LARGE1: variants seen among roughly 807,000 people sequenced by gnomAD.
LARGE1 encodes the protein LARGE xylosyl- and glucuronyltransferase 1.
Under a neutral mutation model 87.6 loss-of-function variants are expected in LARGE1, and 43 were observed. The ratio of observed to expected loss-of-function variants is 0.49; its 90% CI spans 0.38 to 0.63. LARGE1 has a LOEUF of 0.63. Among genes scored for constraint, LARGE1 ranks in the 30% least tolerant of loss-of-function variants. LARGE1 has a pLI of 0.00. For missense variants in LARGE1, 802 were observed against 1,000.2 expected (o/e 0.80, Z 2.67); for synonymous variants, 434 against 394.6 (o/e 1.10, Z -1.18).
intron 6 of LARGE1, among the ~76,000 whole-genome samples, chr22:33,515,336 T>A (rs987269639): frequency 6.6e-6 from 1 of 152,098 alleles, no homozygotes; most frequent in Non-Finnish European, 1.5e-5. Flanking sequence ...CACAGAGACC[T>A]AGAAAGAGAG....
At chr22:33,093,818 CTTTCTTTTTT>C in the LARGE1 span, among the ~76,000 whole-genome samples, 1 of 120,582 alleles carries the variant, frequency 8.3e-6, no homozygotes, top group African/African-American at 3.1e-5. Context: ...TTTTTTCTTT[CTTTCTTTTTT>C]TTTTTTTTTT....
chr22:33,827,319 G>A (rs986465139), intron 1 of LARGE1, among the ~76,000 whole-genome samples: 16 of 152,098 alleles, frequency 1.1e-4, no homozygotes, highest in Admixed American at 3.3e-4. Context: ...GCAGTGAGCC[G>A]AGATCGCACT....
intron 1 of LARGE1, among the ~76,000 whole-genome samples, chr22:33,787,034 A>AG (rs1208966276): frequency 1.3e-5 from 2 of 151,898 alleles, no homozygotes; most frequent in African/African-American, 4.8e-5. Flanking sequence ...AAAAAAAAAA[A>AG]AAAGAAAGAA....
chr22:33,594,280 C>T (rs748426840), intron 5 of LARGE1, among the ~76,000 whole-genome samples: 1 of 152,110 alleles, frequency 6.6e-6, no homozygotes, highest in Non-Finnish European at 1.5e-5. Flanking sequence ...CACCCTGGGC[C>T]TTGCAGTATC....
At chr22:33,677,812 T>TCTTG in intron 2 of LARGE1, among the ~76,000 whole-genome samples, 1 of 152,162 alleles carries the variant, frequency 6.6e-6, no homozygotes, top group Non-Finnish European at 1.5e-5. Flanking sequence ...GAGACCCGAT[T>TCTTG]AGTCACATGG....
At chr22:33,660,090 G>T (rs1386614849) in intron 2 of LARGE1, among the ~76,000 whole-genome samples, 20 of 125,424 alleles carry the variant, frequency 1.6e-4, no homozygotes, top group East Asian at 7.3e-4. Flanking sequence ...GTGTGTGTGT[G>T]TTTTTTTTTT....
Position 33,524,289 on chromosome 22 carries a change from C to CAA in LARGE1, c.787+40557_787+40558dup, listed in dbSNP as rs57046363. On this transcript the variant is annotated intron_variant, in intron 6 of 14. Transcript: ENST00000397394. ...CTGGGCAACAGAGTGAGACTCCCCT[C>CAA]AAAAAAAAAAAAATAATAATAATAA... 2.8e-3 allele frequency among the ~76,000 whole-genome samples: 270 copies of CAA among 94,774 alleles called. 3 individuals are homozygous for CAA. The highest frequency in any genetic ancestry group is 8.0e-3 in the African/African-American group (262 of 32,836). The allele number at this position is 94,774 out of a possible 152,430, so 62.2% of individuals were successfully genotyped here. A position where few individuals can be genotyped will look rare whatever the true frequency, so the allele number is the denominator to read the frequency against.
rs138595293 is a variant in LARGE1, at chr22:33,842,909, CAAACAAAACAAAACA to C, written c.-83+77071_-83+77085del. 6.5e-3 allele frequency among the ~76,000 whole-genome samples: 953 copies of C among 146,572 alleles called. 12 individuals are homozygous for C. The highest frequency in any genetic ancestry group is 0.021 in the African/African-American group (812 of 38,638). ...CTCACTCACATTTCCCATTCTAGCA[CAAACAAAACAAAACA>C]AAACAAAACAAAACAAAACAAAACA... On this transcript the variant is annotated intron_variant, in intron 1 of 14. Transcript: ENST00000397394.
At chr22:33,577,919 A>G (rs7290435) in intron 5 of LARGE1, among the ~76,000 whole-genome samples, 29,729 of 152,228 alleles carry the variant, frequency 0.2, 2,957 homozygotes, top group Middle Eastern at 0.3. Context: ...TGGCAGTCCA[A>G]ATGTCTTCTG....
At chr22:33,285,745 G>T (rs1339774441) in intron 12 of LARGE1, among the ~76,000 whole-genome samples, 2 of 152,228 alleles carry the variant, frequency 1.3e-5, no homozygotes, top group Non-Finnish European at 2.9e-5. Flanking sequence ...GTGCAAAGAG[G>T]AATCATACCA....
intron 12 of LARGE1, among the ~76,000 whole-genome samples, chr22:33,300,754 A>C (rs548098705): frequency 3.5e-4 from 53 of 152,204 alleles, no homozygotes; most frequent in African/African-American, 1.3e-3. Flanking sequence ...GTTGGCCAGG[A>C]TGGTCTCGAT....
At chr22:33,109,278 T>G in the LARGE1 span, 1 of 151,902 alleles carries the variant, frequency 6.6e-6, no homozygotes, top group South Asian at 2.1e-4. Context: ...ACTTTTGACA[T>G]GCTTAACTCT....
intron 12 of LARGE1, among the ~76,000 whole-genome samples, chr22:33,289,084 A>G (rs536877650): frequency 1.9e-3 from 286 of 151,852 alleles, no homozygotes; most frequent in African/African-American, 5.7e-3. Flanking sequence ...TCAGCCTCCC[A>G]AGTAGCTGGG....
rs56832457 is a variant in LARGE1, at chr22:33,762,213, C to CAAAAAAAA, written c.-82-663_-82-656dup. 5.0e-4 allele frequency among the ~76,000 whole-genome samples: 42 copies of CAAAAAAAA among 84,478 alleles called. 2 individuals are homozygous for CAAAAAAAA. The highest frequency in any genetic ancestry group is 1.6e-3 in the East Asian group (4 of 2,546). The allele number at this position is 84,478 out of a possible 152,430, so 55.4% of individuals were successfully genotyped here. A position where few individuals can be genotyped will look rare whatever the true frequency, so the allele number is the denominator to read the frequency against. The stretch of plus-strand genomic sequence containing the variant: ...AGGGAGACAGAGCGAGATTCTATCT[C>CAAAAAAAA]AAAAAAAAAAAAAAAAAAAAAAAAA... On this transcript the variant is annotated intron_variant, in intron 1 of 14. Transcript: ENST00000397394.
At chr22:33,667,133 G>A (rs1340196557) in intron 2 of LARGE1, among the ~76,000 whole-genome samples, 1 of 152,204 alleles carries the variant, frequency 6.6e-6, no homozygotes, top group African/African-American at 2.4e-5. Flanking sequence ...GCACCCACGT[G>A]CACACACCCT....
chr22:33,901,071 T>C (rs2065270418), intron 1 of LARGE1, among the ~76,000 whole-genome samples: 1 of 151,972 alleles, frequency 6.6e-6, no homozygotes, highest in Non-Finnish European at 1.5e-5. Flanking sequence ...GGGGGGGTTG[T>C]TTGCACACAG....
chr22:33,413,316 A>G (rs549919491), intron 7 of LARGE1, among the ~76,000 whole-genome samples: 1 of 152,204 alleles, frequency 6.6e-6, no homozygotes, highest in African/African-American at 2.4e-5. Context: ...ACATTCTGCA[A>G]AAAGAGCCAC....
intron 11 of LARGE1, among the ~76,000 whole-genome samples, chr22:33,266,923 TCA>T (rs1345302327): frequency 5.0e-4 from 76 of 151,662 alleles, no homozygotes; most frequent in Non-Finnish European, 8.8e-5. Flanking sequence ...TCACCAAGCC[TCA>T]GTTTCCTCGT....
chr22:33,067,690 A>T, the LARGE1 span, among the ~76,000 whole-genome samples: 1 of 152,208 alleles, frequency 6.6e-6, no homozygotes, highest in Non-Finnish European at 1.5e-5. Context: ...ATTCTAAAAG[A>T]CTTCTCTGAG....
Sources: allele counts gnomAD v4.1 joint callset (sites outside exome capture counted in the v4.1 genomes callset), GRCh38; gene constraint gnomAD v4.1.1; transcripts MANE v1.5; gene names NCBI Gene and HGNC (gene_info 2026-07-23, HGNC 2026-07-21).